FAT3: variants seen among roughly 807,000 people sequenced by gnomAD.
FAT3 encodes FAT atypical cadherin 3, also known as protocadherin Fat 3.
Under a neutral mutation model 310.2 loss-of-function variants are expected in FAT3, and 95 were observed. The ratio of observed to expected loss-of-function variants is 0.31; its 90% confidence interval spans 0.26 to 0.36. The LOEUF (loss-of-function observed/expected upper bound fraction) is 0.36, where lower values mean the gene tolerates loss of function less well. Among genes scored for constraint, FAT3 ranks in the 10% least tolerant of loss-of-function variants. The pLI is 1.00. For synonymous variants in FAT3, 2,314 were observed against 2,192.9 expected, an observed-to-expected ratio of 1.06 and a Z score of -1.54; for missense variants, 5,408 against 5,715.6, an observed-to-expected ratio of 0.95 and a Z score of 1.74.
rs754421390 is a variant in FAT3, at chr11:92,867,256, G to C, written c.12127+47G>C. The C allele has an allele frequency of 2.7e-6, 4 of 1,486,716 alleles. No individual in the cohort carries two copies. In the South Asian group the frequency reaches 5.2e-5, roughly 19 times the overall value. The allele number at this position is 1,486,716 out of a possible 1,614,324, so 92.1% of individuals were successfully genotyped here. On this transcript the variant is annotated intron_variant, in intron 22 of 27. Transcript: ENST00000525166. Reference sequence around the variant, plus strand: ...GCACTGGCCTGGGGGTTTGAGGGGAGAGTGAATGAACTGCAGGGGGATCCC... The same window carrying C: ...GCACTGGCCTGGGGGTTTGAGGGGACAGTGAATGAACTGCAGGGGGATCCC...
chr11:92,689,799 T>C (rs2135884608), intron 3 of FAT3, among the ~76,000 whole-genome samples: 1 of 152,166 alleles, frequency 6.6e-6, no homozygotes, highest in Non-Finnish European at 1.5e-5. Flanking sequence ...CAGGAGAGGA[T>C]TATACAGAGG....
intron 24 of FAT3, among the ~76,000 whole-genome samples, chr11:92,885,767 TC>T (rs1949781742): frequency 6.6e-6 from 1 of 152,218 alleles, no homozygotes; most frequent in Non-Finnish European, 1.5e-5. Flanking sequence ...ATTTGTCATT[TC>T]CTTCCTTGTG....
At chr11:92,476,948 T>C (rs1176311784) in intron 2 of FAT3, among the ~76,000 whole-genome samples, 3 of 152,220 alleles carry the variant, frequency 2.0e-5, no homozygotes, top group Non-Finnish European at 4.4e-5. Flanking sequence ...CTTTGATTTG[T>C]GTAGACAGTT....
chr11:92,338,446 T>A (rs1948149188), intron 1 of FAT3, among the ~76,000 whole-genome samples: 1 of 151,992 alleles, frequency 6.6e-6, no homozygotes, highest in African/African-American at 2.4e-5. Flanking sequence ...GGGGTAGAAT[T>A]ATGGGGATTG....
chr11:92,619,460 A>G (rs1940981184), intron 3 of FAT3, among the ~76,000 whole-genome samples: 1 of 152,138 alleles, frequency 6.6e-6, no homozygotes, highest in African/African-American at 2.4e-5. Flanking sequence ...ATTTGTTCCA[A>G]TTCACCAGCG....
chr11:92,646,154 A>T (rs1176947890), intron 3 of FAT3, among the ~76,000 whole-genome samples: 1 of 152,178 alleles, frequency 6.6e-6, no homozygotes, highest in African/African-American at 2.4e-5. Context: ...GCATTGATGG[A>T]GGTCACTTGG....
At chr11:92,534,642 C>T (rs1417540721) in intron 3 of FAT3, among the ~76,000 whole-genome samples, 1 of 151,924 alleles carries the variant, frequency 6.6e-6, no homozygotes, top group Non-Finnish European at 1.5e-5. Flanking sequence ...GTGTGTGGGC[C>T]CTAATTCAGT....
At chr11:92,288,768 T>C (rs1462766033) in intron 1 of FAT3, among the ~76,000 whole-genome samples, 1 of 152,182 alleles carries the variant, frequency 6.6e-6, no homozygotes, top group Non-Finnish European at 1.5e-5. Flanking sequence ...TCTAAAATTC[T>C]GTCATGTGTC....
intron 21 of FAT3, among the ~76,000 whole-genome samples, chr11:92,859,968 A>AG (rs1949079885): frequency 6.6e-6 from 1 of 152,160 alleles, no homozygotes; most frequent in Non-Finnish European, 1.5e-5. Flanking sequence ...TGGGAAGCTG[A>AG]GGCAGGTGCA....
chr11:92,254,638 T>C (rs1327997312), intron 1 of FAT3, among the ~76,000 whole-genome samples: 1 of 152,138 alleles, frequency 6.6e-6, no homozygotes, highest in African/African-American at 2.4e-5. Flanking sequence ...ATGGAAATTT[T>C]ACTCCTAGGA....
intron 1 of FAT3, among the ~76,000 whole-genome samples, chr11:92,300,065 C>T (rs550809625): frequency 6.6e-6 from 1 of 152,248 alleles, no homozygotes; most frequent in African/African-American, 2.4e-5. Flanking sequence ...GAGTAAGTCT[C>T]CTGTTGTCAA....
chr11:92,628,195 A>G (rs1941407113), intron 3 of FAT3, among the ~76,000 whole-genome samples: 1 of 152,228 alleles, frequency 6.6e-6, no homozygotes, highest in African/African-American at 2.4e-5. Flanking sequence ...ATATTTAGCA[A>G]ATAGTTCCTG....
chr11:92,544,157 A>T (rs769503101), intron 3 of FAT3, among the ~76,000 whole-genome samples: 26 of 152,246 alleles, frequency 1.7e-4, no homozygotes, highest in Non-Finnish European at 3.4e-4. Context: ...TATAGTACCC[A>T]GTTAAATATT....
At chr11:92,287,873 A>T (rs1367080495) in intron 1 of FAT3, among the ~76,000 whole-genome samples, 1 of 152,114 alleles carries the variant, frequency 6.6e-6, no homozygotes, top group African/African-American at 2.4e-5. Flanking sequence ...TGGAATGGTC[A>T]TAGAACTCAG....
At chr11:92,771,142 G>T (rs1019151343) in intron 6 of FAT3, among the ~76,000 whole-genome samples, 3 of 152,066 alleles carry the variant, frequency 2.0e-5, no homozygotes, top group Admixed American at 6.6e-5. Context: ...CCAGCTCTGC[G>T]GTGTCCTCCC....
At chr11:92,314,351 C>T in intron 1 of FAT3, 1 of 927,226 alleles carries the variant, frequency 1.1e-6, no homozygotes, top group Non-Finnish European at 1.3e-6. Flanking sequence ...ATAATTTTTA[C>T]ATTTGTAAAA....
intron 1 of FAT3, among the ~76,000 whole-genome samples, chr11:92,301,086 C>G (rs1313104293): frequency 6.6e-6 from 1 of 152,044 alleles, no homozygotes; most frequent in Admixed American, 6.6e-5. Context: ...TCCTCATGTG[C>G]TTTTGGTGAC....
intron 3 of FAT3, among the ~76,000 whole-genome samples, chr11:92,571,038 G>C (rs770100496): frequency 9.2e-5 from 14 of 152,214 alleles, no homozygotes; most frequent in Admixed American, 3.3e-4. Flanking sequence ...ACCGTGCTGG[G>C]TCCTAAGATT....
At chr11:92,801,944 T>G in intron 10 of FAT3, 35 bp downstream of exon 10, 16 of 1,519,714 alleles carry the variant, frequency 1.1e-5, no homozygotes, top group Non-Finnish European at 1.4e-5. Context: ...TTATGTGCAC[T>G]GCTTTATAAA....
Sources: gnomAD v4.1 joint callset for allele counts (sites outside exome capture counted in the v4.1 genomes callset) on GRCh38, gnomAD v4.1.1 for gene constraint, MANE v1.5 for transcripts, NCBI Gene and HGNC (gene_info 2026-07-23, HGNC 2026-07-21) for gene names.